Variants in DBF4 observed in about 807,000 individuals in gnomAD.
DBF4 encodes DBF4-CDC7 kinase regulatory subunit, also known as protein DBF4 homolog A.
Under a neutral mutation model 76.6 loss-of-function variants are expected in DBF4, and 25 were observed. The ratio of observed to expected loss-of-function variants is 0.33; its 90% CI spans 0.24 to 0.46. DBF4 has a LOEUF of 0.46. DBF4 is among the 20% of genes least tolerant of loss of function. The probability of loss-of-function intolerance (pLI) is 1.00; values close to 1 mark genes in which losing one functional copy is unlikely to be tolerated. For synonymous variants in DBF4, 213 were observed against 258.0 expected (o/e 0.83, Z 1.67); for missense variants, 638 against 760.8 (o/e 0.84, Z 1.90).
chr7:87,884,407 T>C (rs1392569869), intron 2 of DBF4, among the ~76,000 whole-genome samples: 1 of 152,136 alleles, frequency 6.6e-6, no homozygotes, highest in Admixed American at 6.5e-5. Context: ...CCAAGGCCAT[T>C]TCAAATGCTT....
intron 2 of DBF4, 133 bp from the exon 3 acceptor site, chr7:87,884,846 A>G (rs763444817): frequency 1.0e-5 from 6 of 599,440 alleles, no homozygotes; most frequent in Non-Finnish European, 1.7e-5. Context: ...CCAAGGCGGG[A>G]GGATCACTTG....
intron 6 of DBF4, among the ~76,000 whole-genome samples, chr7:87,892,349 CCTTTTTTGATTGG>C (rs1322950228): frequency 1.4e-4 from 21 of 152,146 alleles, no homozygotes; most frequent in Non-Finnish European, 2.6e-4. Context: ...CAGTGTGTTT[CCTTTTTTGATTGG>C]CTTCTTTCAC....
chr7:87,877,413 A>G (rs1333841739), intron 1 of DBF4, among the ~76,000 whole-genome samples: 3 of 152,356 alleles, frequency 2.0e-5, no homozygotes, highest in East Asian at 3.9e-4. Context: ...GTAACTACCA[A>G]TTTAAGAACA....
intron 6 of DBF4, among the ~76,000 whole-genome samples, chr7:87,888,578 T>G (rs1233213835): frequency 6.6e-6 from 1 of 152,182 alleles, no homozygotes; most frequent in East Asian, 1.9e-4. Context: ...CTTTGAAGCA[T>G]CTATACAGTT....
In DBF4 at chr7:87,907,403, A is replaced by C; in HGVS notation, c.1265A>C (p.Glu422Ala). The C allele has an allele frequency of 6.2e-7, 1 of 1,614,048 alleles. No individual in the cohort carries two copies. The highest frequency in any genetic ancestry group is 8.5e-7 in the Non-Finnish European group (1 of 1,179,956). The change falls in exon 12 of 12, where the codon GAA (glutamate) becomes GCA (alanine). Residue 422 changes from glutamate (E) to alanine (A), a missense_variant. By Grantham distance (107) the Glu-to-Ala change is moderately radical (BLOSUM62 -1). Transcript: ENST00000265728. ...GAGCCCATCCCCCACCCTTCAAATGAATTGAGAGGGCTTAATGAGAAAATG... is the reference window on the plus strand; with the variant it reads ...GAGCCCATCCCCCACCCTTCAAATGCATTGAGAGGGCTTAATGAGAAAATG... ...ISEPIPHPSNELRGLNEKMSN... is the reference protein window; with the variant it reads ...ISEPIPHPSNALRGLNEKMSN...
chr7:87,892,608 T>C (rs1009679704), intron 6 of DBF4, among the ~76,000 whole-genome samples: 1 of 152,204 alleles, frequency 6.6e-6, no homozygotes, highest in Middle Eastern at 3.2e-3. Flanking sequence ...CCAAAGAGTA[T>C]GATTGCTGCT....
chr7:87,878,503 T>C (rs979607828), intron 2 of DBF4: 4 of 268,602 alleles, frequency 1.5e-5, no homozygotes, highest in African/African-American at 6.6e-5. Context: ...TACTGTAATG[T>C]TGGAATGTCC....
chr7:87,906,122 C>T (rs571602567), intron 11 of DBF4, among the ~76,000 whole-genome samples: 3 of 151,884 alleles, frequency 2.0e-5, no homozygotes, highest in Admixed American at 2.0e-4. Context: ...CAGGCCACTG[C>T]ACTCCAGCCT....
intron 2 of DBF4, 75 bp from the exon 3 acceptor site, chr7:87,884,904 T>C: frequency 1.7e-6 from 2 of 1,173,986 alleles, no homozygotes; most frequent in Admixed American, 2.3e-5. Context: ...GCCACTGCAC[T>C]CTAGCCTGGA....
Position 87,907,512 on chromosome 7 carries a change from G to A in DBF4, c.1374G>A (p.Gln458=), listed in dbSNP as rs771744675. ...FTQLPLHKNK[Q]ECILDISEHT... The stretch of plus-strand genomic sequence containing the variant: ...AGCTACCTCTACATAAAAACAAACA[G>A]GAATGCATTCTTGACATTTCCGAAC... The change falls in exon 12 of 12, where the codon CAG becomes CAA. Residue 458 remains glutamine (Q), a synonymous_variant. Coordinates refer to ENST00000265728, the MANE Select transcript of DBF4 (RefSeq NM_006716.4). 3 of 1,613,952 alleles carry A rather than the reference G, an allele frequency of 1.9e-6. No homozygotes were observed. Among genetic ancestry groups the A allele is most frequent in the Non-Finnish European group, 1.7e-6 (2 of 1,179,922 alleles).
At chr7:87,907,098 T>C in intron 11 of DBF4, 90 bp from the exon 12 acceptor site, 1 of 1,221,028 alleles carries the variant, frequency 8.2e-7, no homozygotes, top group Non-Finnish European at 1.1e-6. Context: ...AAAGATTATA[T>C]AATGTTTTTA....
At chr7:87,901,524 C>G (rs1313500395) in intron 10 of DBF4, among the ~76,000 whole-genome samples, 1 of 151,976 alleles carries the variant, frequency 6.6e-6, no homozygotes, top group Non-Finnish European at 1.5e-5. Context: ...TCAAGGGTTA[C>G]TATAGTATTT....
At chr7:87,877,774 A>C (rs1320667963) in intron 1 of DBF4, among the ~76,000 whole-genome samples, 1 of 152,214 alleles carries the variant, frequency 6.6e-6, no homozygotes, top group African/African-American at 2.4e-5. Context: ...TAAAAAAAGA[A>C]AATCTTTCAA....
At chr7:87,893,168 C>T (rs1404408063) in intron 6 of DBF4, among the ~76,000 whole-genome samples, 1 of 151,590 alleles carries the variant, frequency 6.6e-6, no homozygotes, top group Non-Finnish European at 1.5e-5. Context: ...GTCTAGTTTT[C>T]CTTTTAGTTC....
intron 11 of DBF4, among the ~76,000 whole-genome samples, chr7:87,905,453 T>C (rs1456504833): frequency 6.6e-6 from 1 of 152,214 alleles, no homozygotes; most frequent in Non-Finnish European, 1.5e-5. Context: ...CTTAGGTCTT[T>C]ATATTTCACT....
chr7:87,898,045 G>A (rs1001067681), intron 8 of DBF4, among the ~76,000 whole-genome samples: 11 of 152,220 alleles, frequency 7.2e-5, no homozygotes, highest in Non-Finnish European at 8.8e-5. Flanking sequence ...CCCAAAGTGC[G>A]GGGATTACAG....
At chr7:87,889,319 A>T (rs1584359320) in intron 6 of DBF4, among the ~76,000 whole-genome samples, 1 of 147,740 alleles carries the variant, frequency 6.8e-6, no homozygotes, top group East Asian at 2.0e-4. Context: ...CCCCTCTGTC[A>T]TCCAGGCTGG....
chr7:87,900,400 T>A, intron 9 of DBF4, 51 bp downstream of exon 9: 1 of 1,541,206 alleles, frequency 6.5e-7, no homozygotes, highest in East Asian at 2.3e-5. Flanking sequence ...TTCATCTCAA[T>A]TTTTCTTTGT....
In DBF4 at chr7:87,908,092, G is replaced by A; in HGVS notation, c.1954G>A (p.Glu652Lys). Residue 652 changes from glutamate to lysine, a missense_variant, in exon 12 of 12, where the codon GAG (glutamate) becomes AAG (lysine). Transcript: ENST00000265728. ...ATGCAATGTTTTAGATATTTGGGAA[G>A]AGGAAAATTCAGATAATCTGTTAAC... is the stretch of plus-strand genomic sequence containing the variant. ...GICNVLDIWE[E>K]ENSDNLLTAF... 6.2e-7 allele frequency: 1 copy of A among 1,610,848 alleles called. No individual in the cohort carries two copies. Among genetic ancestry groups the A allele is most frequent in the Non-Finnish European group, 8.5e-7 (1 of 1,179,052 alleles).
Sources: allele counts gnomAD v4.1 joint callset (sites outside exome capture counted in the v4.1 genomes callset), GRCh38; gene constraint gnomAD v4.1.1; transcripts MANE v1.5; gene names NCBI Gene and HGNC (gene_info 2026-07-23, HGNC 2026-07-21).